The following CPA6 variants were observed in gnomAD, a reference collection of about 807,000 sequenced individuals.
CPA6 encodes carboxypeptidase B.
Under a neutral mutation model 63.3 loss-of-function variants are expected in CPA6, and 58 were observed. That is an observed-to-expected ratio of 0.92 (90% CI 0.74 to 1.14). CPA6 has a LOEUF of 1.14. Ranked by LOEUF, CPA6 falls within the 50% of genes most tolerant of loss-of-function variation. The pLI is 0.00. For synonymous variants in CPA6, 185 were observed against 179.0 expected (o/e 1.03, Z -0.27); for missense variants, 565 against 526.6 (o/e 1.07, Z -0.71).
chr8:67,435,410 C>T (rs1810127637), intron 8 of CPA6, among the ~76,000 whole-genome samples: 2 of 152,068 alleles, frequency 1.3e-5, no homozygotes, highest in South Asian at 2.1e-4. Flanking sequence ...CTTGTAAAAG[C>T]CCACAGATGT....
intron 1 of CPA6, among the ~76,000 whole-genome samples, chr8:67,668,922 A>T (rs1816287321): frequency 6.6e-6 from 1 of 152,170 alleles, no homozygotes; most frequent in Non-Finnish European, 1.5e-5. Flanking sequence ...GTTTGAGCTA[A>T]GGCTTGAATG....
At chr8:67,722,113 ATTG>A (rs1563408372) in intron 1 of CPA6, among the ~76,000 whole-genome samples, 1 of 152,186 alleles carries the variant, frequency 6.6e-6, no homozygotes, top group South Asian at 2.1e-4. Flanking sequence ...CTCTGAATCT[ATTG>A]TTTCGGGAAC....
chr8:67,648,142 G>T (rs1374293420), intron 1 of CPA6, among the ~76,000 whole-genome samples: 2 of 152,014 alleles, frequency 1.3e-5, no homozygotes, highest in African/African-American at 4.8e-5. Context: ...GATATAAATT[G>T]AGGAGTCATC....
At chr8:67,729,400 A>G (rs1817664274) in intron 1 of CPA6, among the ~76,000 whole-genome samples, 1 of 152,228 alleles carries the variant, frequency 6.6e-6, no homozygotes, top group Non-Finnish European at 1.5e-5. Context: ...TAAGATTTAA[A>G]AACTGTCATA....
chr8:67,717,063 T>C (rs1817398059), intron 1 of CPA6, among the ~76,000 whole-genome samples: 2 of 152,188 alleles, frequency 1.3e-5, no homozygotes, highest in South Asian at 2.1e-4. Context: ...TCTCACAGCA[T>C]GGGTACAAAA....
intron 1 of CPA6, among the ~76,000 whole-genome samples, chr8:67,674,991 C>A (rs1326962405): frequency 6.6e-6 from 1 of 152,096 alleles, no homozygotes; most frequent in Non-Finnish European, 1.5e-5. Flanking sequence ...TGAATATAAA[C>A]ATGGGAAGAA....
chr8:67,588,978 A>G (rs1814026497), intron 2 of CPA6, among the ~76,000 whole-genome samples: 1 of 152,094 alleles, frequency 6.6e-6, no homozygotes, highest in South Asian at 2.1e-4. Flanking sequence ...TTAGCTGGGC[A>G]TGGTCGTTCA....
At chr8:67,697,166 G>A (rs753361619) in intron 1 of CPA6, among the ~76,000 whole-genome samples, 2 of 152,140 alleles carry the variant, frequency 1.3e-5, no homozygotes, top group East Asian at 3.9e-4. Flanking sequence ...GTACTTGTGG[G>A]GGTATGGGGG....
chr8:67,743,153 C>T (rs1003426265), intron 1 of CPA6, among the ~76,000 whole-genome samples: 2 of 152,138 alleles, frequency 1.3e-5, no homozygotes, highest in African/African-American at 4.8e-5. Context: ...ACATAAAGTA[C>T]CAATAAATAT....
At chr8:67,542,266 A>G (rs1473328335) in intron 2 of CPA6, among the ~76,000 whole-genome samples, 1 of 152,236 alleles carries the variant, frequency 6.6e-6, no homozygotes, top group Non-Finnish European at 1.5e-5. Context: ...CTGTTCCAGT[A>G]GTCATTACTG....
At chr8:67,608,161 G>A (rs1033072132) in intron 2 of CPA6, among the ~76,000 whole-genome samples, 3 of 152,208 alleles carry the variant, frequency 2.0e-5, no homozygotes, top group Admixed American at 6.5e-5. Flanking sequence ...GATACAGACA[G>A]GAGGCAGGAG....
chr8:67,453,393 A>C (rs904941622), intron 8 of CPA6, among the ~76,000 whole-genome samples: 1 of 152,138 alleles, frequency 6.6e-6, no homozygotes, highest in African/African-American at 2.4e-5. Flanking sequence ...TGAGCTGAGA[A>C]TGGCTATAGG....
intron 2 of CPA6, among the ~76,000 whole-genome samples, chr8:67,537,019 C>A (rs551946911): frequency 6.6e-6 from 1 of 152,134 alleles, no homozygotes; most frequent in Non-Finnish European, 1.5e-5. Context: ...GTATGTTAAA[C>A]CAGACTTGCA....
At chr8:67,473,043 A>G (rs143060941) in intron 8 of CPA6, among the ~76,000 whole-genome samples, 59 of 152,360 alleles carry the variant, frequency 3.9e-4, no homozygotes, top group African/African-American at 1.2e-3. Flanking sequence ...TTTGCATATA[A>G]TCAGTGTCTA....
chr8:67,507,031 A>G lies in CPA6; in HGVS notation c.535-143T>C, dbSNP rs530664394. On this transcript the variant is annotated intron_variant, in intron 5 of 10. Transcript: ENST00000297770. ...AAAAGGACAAAGGGAGTTCCTATCT[A>G]TCTCGAAAGTCCAGGCTTCTTTATG... 7 of 566,678 alleles carry G rather than the reference A, an allele frequency of 1.2e-5. No homozygotes were observed. The East Asian group carries it at 1.4e-4, about 11-fold the overall frequency. 35.1% of individuals were successfully genotyped at this position (566,678 alleles called of 1,614,324 possible).
At chr8:67,582,029 C>T in intron 2 of CPA6, among the ~76,000 whole-genome samples, 1 of 152,044 alleles carries the variant, frequency 6.6e-6, no homozygotes, top group Non-Finnish European at 1.5e-5. Flanking sequence ...AAAATTAAAC[C>T]TAAAACATCT....
chr8:67,633,613 G>A (rs1266619112), intron 1 of CPA6, among the ~76,000 whole-genome samples: 6 of 151,338 alleles, frequency 4.0e-5, no homozygotes, highest in Admixed American at 6.6e-5. Context: ...CCAGGGAGGC[G>A]GAGCTTGCAG....
At chr8:67,523,131 C>G (rs530261588) in intron 2 of CPA6, among the ~76,000 whole-genome samples, 13 of 152,190 alleles carry the variant, frequency 8.5e-5, no homozygotes, top group Non-Finnish European at 1.8e-4. Context: ...ATCTACTTAG[C>G]TCTCTGCACT....
At chr8:67,552,569 C>T (rs558627844) in intron 2 of CPA6, among the ~76,000 whole-genome samples, 4 of 151,870 alleles carry the variant, frequency 2.6e-5, no homozygotes, top group Middle Eastern at 3.4e-3. Flanking sequence ...ATCAGGAGAT[C>T]AAGACCATCC....
Sources: allele counts gnomAD v4.1 joint callset (sites outside exome capture counted in the v4.1 genomes callset), GRCh38; gene constraint gnomAD v4.1.1; transcripts MANE v1.5; gene names NCBI Gene and HGNC (gene_info 2026-07-23, HGNC 2026-07-21).